PCDH11X: variants seen among roughly 807,000 people sequenced by gnomAD.
The protein encoded by PCDH11X is protocadherin 11 X-linked, also known as protocadherin-11 X-linked.
In PCDH11X, 18 loss-of-function variants were observed where a neutral mutation model predicts 53.3. The ratio of observed to expected loss-of-function variants is 0.34; its 90% confidence interval spans 0.23 to 0.50. The LOEUF (loss-of-function observed/expected upper bound fraction) is 0.50. Among genes scored for constraint, PCDH11X ranks in the 20% least tolerant of loss-of-function variants. The pLI is 0.98. For missense variants in PCDH11X, 570 were observed against 1,032.4 expected, an observed-to-expected ratio of 0.55 and a Z score of 6.14; for synonymous variants, 279 against 393.3, an observed-to-expected ratio of 0.71 and a Z score of 3.44.
At chrX:91,897,743 G>A (rs547010187) in intron 6 of PCDH11X, among the ~76,000 whole-genome samples, 4 of 109,036 alleles carry the variant, frequency 3.7e-5, no homozygotes, top group African/African-American at 6.7e-5. Flanking sequence ...GTTCCAAAGA[G>A]GCAAAGTTCA....
chrX:92,485,354 G>T (rs2073619974), intron 10 of PCDH11X, among the ~76,000 whole-genome samples: 1 of 108,582 alleles, frequency 9.2e-6, no homozygotes, highest in East Asian at 2.9e-4. Context: ...ATGTTCACAT[G>T]TTTTTATACA....
intron 6 of PCDH11X, among the ~76,000 whole-genome samples, chrX:92,183,238 C>T (rs191922510): frequency 2.0e-5 from 2 of 101,145 alleles, no homozygotes; most frequent in Admixed American, 1.1e-4. Flanking sequence ...TGCATATCAT[C>T]TAGAGAAACC....
intron 6 of PCDH11X, among the ~76,000 whole-genome samples, chrX:92,177,894 C>T (rs909594772): frequency 4.5e-5 from 5 of 110,397 alleles, no homozygotes; most frequent in Non-Finnish European, 9.5e-5. Context: ...CACACACAAA[C>T]ACAATTTGGA....
chrX:92,381,356 A>G (rs1480752220), intron 8 of PCDH11X, among the ~76,000 whole-genome samples: 5 of 111,465 alleles, frequency 4.5e-5, no homozygotes, highest in Non-Finnish European at 7.5e-5. Flanking sequence ...CACCAGGTAA[A>G]AAAGATGAAA....
chrX:92,051,037 G>A (rs1031296401), intron 6 of PCDH11X, among the ~76,000 whole-genome samples: 2 of 111,867 alleles, frequency 1.8e-5, no homozygotes, highest in Non-Finnish European at 3.8e-5. Flanking sequence ...ATGAAAATTA[G>A]CATTCCACAA....
At chrX:92,270,436 T>C (rs73532127) in intron 8 of PCDH11X, among the ~76,000 whole-genome samples, 7,827 of 111,857 alleles carry the variant, frequency 0.07, 471 homozygotes, top group East Asian at 0.27. Flanking sequence ...AACCACAGGA[T>C]GTTCTTAACA....
intron 1 of PCDH11X, among the ~76,000 whole-genome samples, chrX:91,797,646 GAATC>G (rs1174026887): frequency 9.1e-6 from 1 of 109,622 alleles, no homozygotes; most frequent in Non-Finnish European, 1.9e-5. Context: ...ACATCTAGTT[GAATC>G]AATCAATTAT....
intron 6 of PCDH11X, among the ~76,000 whole-genome samples, chrX:91,896,879 A>C (rs775534590): frequency 0.01 from 494 of 47,973 alleles, 4 homozygotes; most frequent in Middle Eastern, 0.027. Flanking sequence ...TTTTAGCACT[A>C]ACCTATTACA....
At chrX:92,094,648 T>C (rs1435009769) in intron 6 of PCDH11X, among the ~76,000 whole-genome samples, 1 of 111,393 alleles carries the variant, frequency 9.0e-6, no homozygotes, top group East Asian at 2.8e-4. Context: ...CTAGGCTGTC[T>C]GCCAATTGGA....
At position 92,619,178 on chromosome X, in the gene PCDH11X, A is replaced by T; in HGVS notation, c.*238A>T. 2.3e-6 allele frequency: 1 copy of T among 428,089 alleles called. No homozygotes were observed. Among genetic ancestry groups the T allele is most frequent in the East Asian group, 3.9e-5 (1 of 25,556 alleles). The allele number at this position is 428,089 out of a possible 1,213,427, so 35.3% of individuals were successfully genotyped here. A position where few individuals can be genotyped will look rare whatever the true frequency, so the allele number is the denominator to read the frequency against. Reference sequence around the variant, plus strand: ...TTTAACAATTTGCATCCCCTTGTACAGTAAGGCTTATCATGACAGAGCGCA... The same window carrying T: ...TTTAACAATTTGCATCCCCTTGTACTGTAAGGCTTATCATGACAGAGCGCA... On this transcript the variant is annotated 3_prime_UTR_variant, in exon 11 of 11. Transcript: ENST00000682573.
chrX:91,848,111 A>G (rs1400613757), intron 5 of PCDH11X, among the ~76,000 whole-genome samples: 3 of 111,846 alleles, frequency 2.7e-5, no homozygotes, highest in Non-Finnish European at 5.6e-5. Flanking sequence ...ACAGGATGAG[A>G]TACAGAGCCA....
At chrX:92,127,723 A>G (rs2064895500) in intron 6 of PCDH11X, among the ~76,000 whole-genome samples, 1 of 109,613 alleles carries the variant, frequency 9.1e-6, no homozygotes, top group Non-Finnish European at 1.9e-5. Context: ...GGGTTTCACC[A>G]TGTTAGCCAG....
At chrX:92,549,823 G>C (rs1160185571) in intron 10 of PCDH11X, among the ~76,000 whole-genome samples, 1 of 111,071 alleles carries the variant, frequency 9.0e-6, no homozygotes, top group Non-Finnish European at 1.9e-5. Context: ...TATTTTAATA[G>C]ACATAATAAT....
intron 9 of PCDH11X, among the ~76,000 whole-genome samples, chrX:92,407,388 A>G (rs1417809964): frequency 1.8e-5 from 2 of 108,220 alleles, no homozygotes; most frequent in Admixed American, 2.0e-4. Context: ...TGTTCAACCT[A>G]TCTGAAGTCT....
chrX:91,825,326 G>C (rs1936874924), intron 4 of PCDH11X, among the ~76,000 whole-genome samples: 1 of 111,042 alleles, frequency 9.0e-6, no homozygotes, highest in Admixed American at 9.5e-5. Flanking sequence ...CAATCAGCGA[G>C]ACTCCGTGGG....
chrX:92,019,545 G>T (rs764412281), intron 6 of PCDH11X, among the ~76,000 whole-genome samples: 74 of 111,812 alleles, frequency 6.6e-4, no homozygotes, highest in African/African-American at 2.3e-3. Flanking sequence ...CAGGAATCAG[G>T]TCTAAGAAAT....
chrX:92,318,186 A>AT (rs1158854345), intron 8 of PCDH11X, among the ~76,000 whole-genome samples: 1 of 111,714 alleles, frequency 9.0e-6, no homozygotes, highest in Non-Finnish European at 1.9e-5. Flanking sequence ...AAAATACACT[A>AT]TCTGGATGAA....
In PCDH11X at chrX:92,549,929, A is replaced by T. The variant is rs1428750596; in HGVS notation, c.3368-68335A>T. On this transcript the variant is annotated intron_variant, in intron 10 of 10. Coordinates refer to ENST00000682573, the MANE Select transcript of PCDH11X (RefSeq NM_032968.5). ...AGCATATCAATCACTTAAAGCATTT[A>T]TGATTTCTTGTAGTGGGAATATTCG... Among the ~76,000 whole-genome samples the T allele has an allele frequency of 2.7e-5, 3 of 111,681 alleles. No homozygotes were observed. In the East Asian group the frequency reaches 8.4e-4, roughly 31 times the overall value.
chrX:91,907,603 TCAAA>T (rs1030582729), intron 6 of PCDH11X, among the ~76,000 whole-genome samples: 49 of 108,176 alleles, frequency 4.5e-4, no homozygotes, highest in African/African-American at 1.6e-3. Context: ...TAACAGTTTT[TCAAA>T]CAATCACAGT....
Sources: allele counts gnomAD v4.1 joint callset (sites outside exome capture counted in the v4.1 genomes callset), GRCh38; gene constraint gnomAD v4.1.1; transcripts MANE v1.5; gene names NCBI Gene and HGNC (gene_info 2026-07-23, HGNC 2026-07-21).